Variants in ITGA9 observed in about 807,000 individuals in gnomAD.
ITGA9 encodes the protein integrin alpha-9.
Under a neutral mutation model 127.8 loss-of-function variants are expected in ITGA9, and 56 were observed. That is an observed-to-expected ratio of 0.44 (90% CI 0.35 to 0.55). The LOEUF (loss-of-function observed/expected upper bound fraction) is 0.55. Among genes scored for constraint, ITGA9 ranks in the 20% least tolerant of loss-of-function variants. ITGA9 has a pLI of 0.00. For missense variants in ITGA9, 1,196 were observed against 1,347.1 expected, an observed-to-expected ratio of 0.89 and a Z score of 1.76; for synonymous variants, 508 against 514.5, an observed-to-expected ratio of 0.99 and a Z score of 0.17.
chr3:37,795,086 T>C (rs1339199486), intron 26 of ITGA9, among the ~76,000 whole-genome samples: 1 of 152,218 alleles, frequency 6.6e-6, no homozygotes, highest in Non-Finnish European at 1.5e-5. Flanking sequence ...ACAGATGTTA[T>C]TCTCTTTCCA....
intron 18 of ITGA9, among the ~76,000 whole-genome samples, chr3:37,707,197 T>A (rs888259030): frequency 6.1e-5 from 5 of 81,990 alleles, no homozygotes; most frequent in Non-Finnish European, 9.0e-5. Flanking sequence ...CTGAAATTTT[T>A]AAAAAATTTC....
At chr3:37,542,800 G>C (rs574183008) in intron 15 of ITGA9, among the ~76,000 whole-genome samples, 2 of 152,042 alleles carry the variant, frequency 1.3e-5, no homozygotes, top group Admixed American at 6.5e-5. Context: ...AAGGGGGGTC[G>C]TGGTGGTCTA....
chr3:37,487,301 A>G (rs1430476140), intron 4 of ITGA9, among the ~76,000 whole-genome samples: 3 of 152,182 alleles, frequency 2.0e-5, no homozygotes, highest in Admixed American at 6.5e-5. Context: ...AGTTAAACAG[A>G]GAGGGATTCT....
chr3:37,558,180 G>A (rs1699449315), intron 15 of ITGA9, among the ~76,000 whole-genome samples: 1 of 152,154 alleles, frequency 6.6e-6, no homozygotes, highest in South Asian at 2.1e-4. Context: ...GGGACTGGAG[G>A]TTCTCTGCAC....
chr3:37,614,628 T>G (rs1700056720), intron 15 of ITGA9, among the ~76,000 whole-genome samples: 1 of 152,116 alleles, frequency 6.6e-6, no homozygotes, highest in Non-Finnish European at 1.5e-5. Context: ...GTTTGTATCC[T>G]CTTTTATTTC....
intron 6 of ITGA9, among the ~76,000 whole-genome samples, chr3:37,504,402 G>A (rs556229295): frequency 4.6e-5 from 7 of 152,248 alleles, no homozygotes; most frequent in African/African-American, 1.7e-4. Context: ...TAGGGTATGA[G>A]CTTGTGGTTT....
At chr3:37,576,524 T>C (rs1699655561) in intron 15 of ITGA9, among the ~76,000 whole-genome samples, 1 of 152,016 alleles carries the variant, frequency 6.6e-6, no homozygotes, top group East Asian at 1.9e-4. Context: ...GATGGAAAGG[T>C]TGAGGTGGGA....
chr3:37,562,861 G>A (rs1472492037), intron 15 of ITGA9, among the ~76,000 whole-genome samples: 1 of 152,058 alleles, frequency 6.6e-6, no homozygotes, highest in East Asian at 1.9e-4. Flanking sequence ...AAACAGTCCA[G>A]AAACTTAGGT....
chr3:37,618,756 C>T (rs6788850), intron 15 of ITGA9, among the ~76,000 whole-genome samples: 26,818 of 152,138 alleles, frequency 0.18, 2,736 homozygotes, highest in Admixed American at 0.3. Context: ...TAGGACTCTC[C>T]GAGCTAGGCA....
chr3:37,465,254 C>G (rs1386520318), intron 1 of ITGA9, among the ~76,000 whole-genome samples: 2 of 152,156 alleles, frequency 1.3e-5, no homozygotes, highest in East Asian at 1.9e-4. Flanking sequence ...GAGAATTTAC[C>G]TGCAGATTAC....
At position 37,818,944 on chromosome 3, in the gene ITGA9, G is replaced by A. The variant is rs1697476629; in HGVS notation, c.3063G>A (p.Arg1021=). The A allele has an allele frequency of 6.2e-7, 1 of 1,614,072 alleles. No homozygotes were observed. The highest frequency in any genetic ancestry group is 8.5e-7 in the Non-Finnish European group (1 of 1,180,028). ...YKEIIEAEKN[R]KENEDSWDWV... is the part of the protein sequence containing the mutation. ...AAATTATCGAAGCTGAGAAGAACCG[G>A]AAAGAGAATGAAGACAGTTGGGACT... The change falls in exon 28 of 28, where the codon CGG becomes CGA. Residue 1021 remains arginine, a synonymous_variant. Transcript: ENST00000264741.
chr3:37,583,048 G>T (rs944681528), intron 15 of ITGA9, among the ~76,000 whole-genome samples: 1 of 152,162 alleles, frequency 6.6e-6, no homozygotes, highest in African/African-American at 2.4e-5. Flanking sequence ...TGGCCCGCAG[G>T]CTGAGTCTTC....
chr3:37,606,061 G>A (rs1184632926), intron 15 of ITGA9, among the ~76,000 whole-genome samples: 3 of 152,144 alleles, frequency 2.0e-5, no homozygotes, highest in Non-Finnish European at 2.9e-5. Flanking sequence ...TCGCTAGTCC[G>A]GCAGATTGCT....
chr3:37,601,478 A>G (rs998938566), intron 15 of ITGA9, among the ~76,000 whole-genome samples: 1 of 152,218 alleles, frequency 6.6e-6, no homozygotes, highest in African/African-American at 2.4e-5. Context: ...GGGTATAAAC[A>G]TCTGAATTCA....
At chr3:37,667,106 A>G (rs1700593328) in intron 17 of ITGA9, among the ~76,000 whole-genome samples, 1 of 152,144 alleles carries the variant, frequency 6.6e-6, no homozygotes, top group Admixed American at 6.5e-5. Flanking sequence ...GATGGCAGGG[A>G]CATGGATGAT....
At position 37,746,963 on chromosome 3, in the gene ITGA9, C is replaced by T. The variant is rs1019559959; in HGVS notation, c.2433+2929C>T. On this transcript the variant is annotated intron_variant, in intron 22 of 27. Coordinates refer to ENST00000264741, the MANE Select transcript of ITGA9 (RefSeq NM_002207.3). ...TTTTTGTTGGCTCTGCCCTTCTGAC[C>T]TCAACTTCAGAGTTGCAGATTCCCT... 1.6e-4 allele frequency among the ~76,000 whole-genome samples: 24 copies of T among 152,306 alleles called. 1 individual carries two copies. The highest frequency in any genetic ancestry group is 2.8e-4 in the Non-Finnish European group (19 of 68,036).
rs1230029394 is a variant in ITGA9, at chr3:37,508,636, C to A, written c.897+9C>A. 1 of 1,607,364 alleles carries A rather than the reference C, an allele frequency of 6.2e-7. No homozygotes were observed. The highest frequency in any genetic ancestry group is 1.3e-5 in the African/African-American group (1 of 74,612). ...AAGCATCAGGTAAAAAGGTGAGGTTCTTGGTATAAGTGACTATTTTTTATT... is the reference window on the plus strand; with the variant it reads ...AAGCATCAGGTAAAAAGGTGAGGTTATTGGTATAAGTGACTATTTTTTATT... On this transcript the variant is annotated intron_variant, in intron 8 of 27. Transcript: ENST00000264741.
intron 18 of ITGA9, among the ~76,000 whole-genome samples, chr3:37,726,846 A>G (rs1461384920): frequency 6.6e-6 from 1 of 152,216 alleles, no homozygotes; most frequent in East Asian, 1.9e-4. Context: ...GCTTTTCATC[A>G]CTGTGTTTTT....
intron 26 of ITGA9, among the ~76,000 whole-genome samples, chr3:37,785,951 G>C (rs1037162793): frequency 1.3e-5 from 2 of 152,030 alleles, no homozygotes; most frequent in Non-Finnish European, 2.9e-5. Flanking sequence ...TGTGGGAGAG[G>C]CTGGAGGGAA....
Sources: allele counts gnomAD v4.1 joint callset (sites outside exome capture counted in the v4.1 genomes callset), GRCh38; gene constraint gnomAD v4.1.1; transcripts MANE v1.5; gene names NCBI Gene and HGNC (gene_info 2026-07-23, HGNC 2026-07-21).